FHIP1A: variants seen among roughly 807,000 people sequenced by gnomAD.
FHIP1A encodes the protein FHF complex subunit HOOK interacting protein 1A, also known as FHF complex subunit HOOK-interacting protein 1A.
Under a neutral mutation model 88.6 loss-of-function variants are expected in FHIP1A, and 61 were observed. The ratio of observed to expected loss-of-function variants is 0.69; its 90% CI spans 0.56 to 0.85. The LOEUF (loss-of-function observed/expected upper bound fraction) is 0.85. Among genes scored for constraint, FHIP1A ranks in the 40% least tolerant of loss-of-function variants. The probability of loss-of-function intolerance (pLI) is 0.00; values close to 1 mark genes in which losing one functional copy is unlikely to be tolerated. For synonymous variants in FHIP1A, 478 were observed against 496.0 expected (o/e 0.96, Z 0.48); for missense variants, 1,154 against 1,273.5 (o/e 0.91, Z 1.43).
chr4:151,628,095 G>A (rs718801), intron 7 of FHIP1A, among the ~76,000 whole-genome samples: 43,370 of 152,098 alleles, frequency 0.29, 6,414 homozygotes, highest in Non-Finnish European at 0.33. Flanking sequence ...TTCTGTTGCT[G>A]TATATGGGCC....
At chr4:151,641,362 C>T (rs902711549) in intron 9 of FHIP1A, among the ~76,000 whole-genome samples, 2 of 152,142 alleles carry the variant, frequency 1.3e-5, no homozygotes, top group Non-Finnish European at 2.9e-5. Context: ...TGGAGTATGC[C>T]ACCTCATAAG....
At chr4:151,535,917 G>C (rs1186409827) in intron 3 of FHIP1A, among the ~76,000 whole-genome samples, 1 of 152,070 alleles carries the variant, frequency 6.6e-6, no homozygotes, top group Non-Finnish European at 1.5e-5. Context: ...AAATGCTTTT[G>C]TCCCTTAATT....
At chr4:151,414,641 A>G (rs912759442) in intron 1 of FHIP1A, among the ~76,000 whole-genome samples, 1 of 152,200 alleles carries the variant, frequency 6.6e-6, no homozygotes, top group Non-Finnish European at 1.5e-5. Context: ...GGAGATGCTA[A>G]GGGGACTTTT....
rs139939583 is a variant in FHIP1A, at chr4:151,595,687, T to C, written c.978+6761T>C. Among the ~76,000 whole-genome samples the C allele has an allele frequency of 2.6e-5, 4 of 152,354 alleles. No homozygotes were observed. In the East Asian group the frequency reaches 7.7e-4, roughly 29 times the overall value. ...GTCTGTTTGTAGGTGTCTAAGAACT[T>C]GTTTTGTGAATCTGGGTACTACTTT... On this transcript the variant is annotated intron_variant, in intron 7 of 13. Coordinates refer to ENST00000435205, the MANE Select transcript of FHIP1A (RefSeq NM_001109977.3).
At chr4:151,611,122 C>G (rs1254751025) in intron 7 of FHIP1A, among the ~76,000 whole-genome samples, 1 of 151,932 alleles carries the variant, frequency 6.6e-6, no homozygotes, top group Non-Finnish European at 1.5e-5. Flanking sequence ...AGAGAGAAAA[C>G]TAATGAGAAC....
intron 1 of FHIP1A, among the ~76,000 whole-genome samples, chr4:151,429,584 C>T (rs1240534600): frequency 1.3e-5 from 2 of 152,152 alleles, no homozygotes; most frequent in African/African-American, 4.8e-5. Flanking sequence ...CACGGTGGCT[C>T]ATGCCTGTAA....
At chr4:151,433,675 A>G (rs1390796255) in intron 1 of FHIP1A, among the ~76,000 whole-genome samples, 2 of 152,094 alleles carry the variant, frequency 1.3e-5, no homozygotes, top group African/African-American at 4.8e-5. Context: ...TTGCTCAAAG[A>G]GAGAAGGGAG....
rs143244363 is a variant in FHIP1A at position 151,612,822 on chromosome 4, AT to A, written c.979-16875del. On this transcript the variant is annotated intron_variant, in intron 7 of 13. Coordinates refer to ENST00000435205, the MANE Select transcript of FHIP1A (RefSeq NM_001109977.3). ...ACTTTAAAAAGAAGAAAGGAACAAT[AT>A]TTTTATTTAATGAATCTGCACATTC... Among the ~76,000 whole-genome samples the A allele has an allele frequency of 5.7e-3, 864 of 152,320 alleles. 5 individuals are homozygous for A. Among genetic ancestry groups the A allele is most frequent in the African/African-American group, 0.019 (787 of 41,558 alleles).
chr4:151,567,509 A>G (rs570868763), intron 4 of FHIP1A, among the ~76,000 whole-genome samples: 1 of 152,252 alleles, frequency 6.6e-6, no homozygotes, highest in Non-Finnish European at 1.5e-5. Context: ...TGCTATGGAC[A>G]TTAGGGCACA....
chr4:151,464,851 A>C (rs2126605835), intron 2 of FHIP1A, among the ~76,000 whole-genome samples: 1 of 99,870 alleles, frequency 1.0e-5, no homozygotes, highest in South Asian at 3.1e-4. Context: ...TGTGTAGATC[A>C]GTGATTGTCA....
intron 3 of FHIP1A, among the ~76,000 whole-genome samples, chr4:151,520,772 CTT>C (rs1349472835): frequency 6.6e-6 from 1 of 152,144 alleles, no homozygotes; most frequent in African/African-American, 2.4e-5. Context: ...GGAAAATTCA[CTT>C]TGCTTCTAAA....
At chr4:151,557,489 A>G (rs976711688) in intron 3 of FHIP1A, among the ~76,000 whole-genome samples, 1 of 152,224 alleles carries the variant, frequency 6.6e-6, no homozygotes, top group African/African-American at 2.4e-5. Context: ...AAGACTTTTA[A>G]TTAAAGAAGC....
intron 3 of FHIP1A, among the ~76,000 whole-genome samples, chr4:151,541,205 G>A (rs1732271349): frequency 6.6e-6 from 1 of 152,166 alleles, no homozygotes; most frequent in Non-Finnish European, 1.5e-5. Context: ...TAAGTACCCA[G>A]GAATATTTGT....
At chr4:151,544,396 T>C (rs1174168210) in intron 3 of FHIP1A, among the ~76,000 whole-genome samples, 1 of 152,214 alleles carries the variant, frequency 6.6e-6, no homozygotes, top group Non-Finnish European at 1.5e-5. Flanking sequence ...TATGACCATA[T>C]ACCAAAATAA....
chr4:151,472,325 A>T (rs1353145593), intron 2 of FHIP1A, among the ~76,000 whole-genome samples: 2 of 152,062 alleles, frequency 1.3e-5, no homozygotes, highest in Non-Finnish European at 2.9e-5. Context: ...ACTTTAAAAA[A>T]TTTGAGATAA....
chr4:151,464,686 T>G (rs1451597763), intron 2 of FHIP1A, among the ~76,000 whole-genome samples: 4 of 152,196 alleles, frequency 2.6e-5, no homozygotes, highest in Non-Finnish European at 1.5e-5. Context: ...ATTGTGTATC[T>G]TGAATGTTCA....
chr4:151,435,107 T>C (rs1733751390), intron 1 of FHIP1A, among the ~76,000 whole-genome samples: 1 of 152,208 alleles, frequency 6.6e-6, no homozygotes, highest in South Asian at 2.1e-4. Flanking sequence ...TTTCTTTATG[T>C]TGGGAACATT....
intron 3 of FHIP1A, among the ~76,000 whole-genome samples, chr4:151,522,521 G>A (rs532845550): frequency 7.9e-5 from 12 of 152,184 alleles, no homozygotes; most frequent in African/African-American, 2.9e-4. Context: ...TTGGGAGAGA[G>A]GACAGTCACT....
intron 2 of FHIP1A, among the ~76,000 whole-genome samples, chr4:151,474,049 C>G (rs1729616335): frequency 1.3e-5 from 2 of 152,066 alleles, no homozygotes; most frequent in South Asian, 4.1e-4. Flanking sequence ...AATATATTTT[C>G]CATAAATTTT....
Sources: gnomAD v4.1 joint callset for allele counts (sites outside exome capture counted in the v4.1 genomes callset) on GRCh38, gnomAD v4.1.1 for gene constraint, MANE v1.5 for transcripts, NCBI Gene and HGNC (gene_info 2026-07-23, HGNC 2026-07-21) for gene names.